PRKAR1B: variants seen among roughly 807,000 people sequenced by gnomAD.
PRKAR1B encodes cAMP-dependent protein kinase type I-beta regulatory subunit.
Under a neutral mutation model 46.5 loss-of-function variants are expected in PRKAR1B, and 22 were observed. That is an observed-to-expected ratio of 0.47 (90% CI 0.34 to 0.68). The LOEUF (loss-of-function observed/expected upper bound fraction) is 0.68. Ranked by LOEUF, PRKAR1B falls within the 30% of genes least tolerant of loss-of-function variation. The pLI is 0.01. For synonymous variants in PRKAR1B, 259 were observed against 217.7 expected, an observed-to-expected ratio of 1.19 and a Z score of -1.67; for missense variants, 445 against 535.6, an observed-to-expected ratio of 0.83 and a Z score of 1.67.
At position 680,644 on chromosome 7, in the gene PRKAR1B, G is replaced by A. The variant is rs770716715; in HGVS notation, c.260C>T (p.Pro87Leu). The change falls in exon 3 of 11, where the codon CCG becomes CTG. Residue 87 changes from proline (P) to leucine (L), a missense_variant. By Grantham distance (98) the Pro-to-Leu change is moderately conservative (BLOSUM62 -3). Around this residue, in one of 5 missense-constraint regions of PRKAR1B, gnomAD observed 155 missense variants for 127.5 expected, o/e 1.22. Transcript: ENST00000537384. ...GCGGCGGGCCTTCACCACAGGGTTC[G>A]GGGGGGTGGGCGACACCTCCTCATC... ...SHDEEVSPTP[P>L]NPVVKARRRR... 24 of 1,609,898 alleles carry A rather than the reference G, an allele frequency of 1.5e-5. No homozygotes were observed. Among genetic ancestry groups the A allele is most frequent in the East Asian group, 6.7e-5 (3 of 44,582 alleles).
chr7:616,252 G>A (rs1207719360), intron 4 of PRKAR1B, among the ~76,000 whole-genome samples: 1 of 152,224 alleles, frequency 6.6e-6, no homozygotes, highest in African/African-American at 2.4e-5. Context: ...GACAAAACGA[G>A]GTCACTCCGG....
intron 4 of PRKAR1B, among the ~76,000 whole-genome samples, chr7:642,772 T>G (rs1211998420): frequency 1.3e-5 from 2 of 148,860 alleles, no homozygotes; most frequent in Non-Finnish European, 3.0e-5. Flanking sequence ...CTCTGCCCCC[T>G]GCCGCAAGAC....
chr7:683,764 G>A (rs971843339), intron 2 of PRKAR1B, among the ~76,000 whole-genome samples: 5 of 152,048 alleles, frequency 3.3e-5, no homozygotes, highest in East Asian at 1.9e-4. Context: ...TGCCAGGCAC[G>A]GCACCCACTC....
chr7:726,934 C>T lies in PRKAR1B; in HGVS notation c.-23+276G>A. On this transcript the variant is annotated intron_variant, in intron 1 of 10. Coordinates refer to ENST00000537384, the MANE Select transcript of PRKAR1B (RefSeq NM_001164760.2). ...CGCCGACCCCACCGCTTTCCAGGGC[C>T]CCTGGGCGCGCCTACTGCTGCCGCG... 2.2e-6 allele frequency: 3 copies of T among 1,343,174 alleles called. No homozygotes were observed. The highest frequency in any genetic ancestry group is 1.9e-6 in the Non-Finnish European group (2 of 1,044,118). The allele number at this position is 1,343,174 out of a possible 1,614,324, so 83.2% of individuals were successfully genotyped here.
intron 3 of PRKAR1B, among the ~76,000 whole-genome samples, chr7:677,627 A>G (rs1778410424): frequency 6.6e-6 from 1 of 151,966 alleles, no homozygotes; most frequent in African/African-American, 2.4e-5. Context: ...AGGTCTCACT[A>G]TGTTGCCCAG....
chr7:622,123 C>G (rs147006285), intron 4 of PRKAR1B, among the ~76,000 whole-genome samples: 1 of 152,240 alleles, frequency 6.6e-6, no homozygotes, highest in Non-Finnish European at 1.5e-5. Flanking sequence ...AACACCTCCC[C>G]GCCCTCACCC....
chr7:551,237 A>C (rs899881617), intron 10 of PRKAR1B, 152 bp downstream of exon 10: 6 of 742,398 alleles, frequency 8.1e-6, no homozygotes, highest in Non-Finnish European at 1.1e-5. Context: ...AACAGGACTG[A>C]GCCTTCTGTT....
At chr7:640,237 A>G (rs1386843861) in intron 4 of PRKAR1B, among the ~76,000 whole-genome samples, 1 of 152,232 alleles carries the variant, frequency 6.6e-6, no homozygotes, top group Non-Finnish European at 1.5e-5. Context: ...CATTAAGAAA[A>G]TGAAGACAGC....
intron 1 of PRKAR1B, chr7:726,958 CGCTTGCT>C: frequency 7.6e-7 from 1 of 1,323,454 alleles, no homozygotes; most frequent in Non-Finnish European, 9.7e-7. Context: ...ACTGCTGCCG[CGCTTGCT>C]GCGCTGCCTG....
rs1285544292 is a variant in PRKAR1B at position 644,334 on chromosome 7, G to A, written c.440+32895C>T. On this transcript the variant is annotated intron_variant, in intron 4 of 10. Coordinates refer to ENST00000537384, the MANE Select transcript of PRKAR1B (RefSeq NM_001164760.2). This position sits in a 1 kb window ranked among gnomAD's most constrained non-coding sequence, Gnocchi z 4.9. ...GCTCCTGCTCCACCCCACACTGTGA[G>A]GAGCTGGAGGTACACAATGAGGTGG... Among the ~76,000 whole-genome samples, 1 of 152,186 alleles carries A rather than the reference G, an allele frequency of 6.6e-6. No individual in the cohort carries two copies. The highest frequency in any genetic ancestry group is 2.4e-5 in the African/African-American group (1 of 41,450).
intron 9 of PRKAR1B, among the ~76,000 whole-genome samples, 186 bp from the exon 10 acceptor site, chr7:551,656 G>C (rs1251569527): frequency 7.8e-6 from 1 of 128,812 alleles, no homozygotes; most frequent in Non-Finnish European, 1.6e-5. Context: ...TCCTTCTCCT[G>C]GAGCCACTGC....
chr7:561,145 ACAC>A lies in PRKAR1B; in HGVS notation c.892-9678_892-9676del, dbSNP rs530807362. Among the ~76,000 whole-genome samples the A allele has an allele frequency of 5.5e-3, 832 of 150,690 alleles. 5 individuals are homozygous for A. Among genetic ancestry groups the A allele is most frequent in the Admixed American group, 9.2e-3 (140 of 15,226 alleles). Reference sequence around the variant, plus strand: ...CACAGGCACACAAACACACACACACACACACCTGTGCACACACACACGGGTACG... The same window carrying A: ...CACAGGCACACAAACACACACACACAACCTGTGCACACACACACGGGTACG... On this transcript the variant is annotated intron_variant, in intron 9 of 10. Coordinates refer to ENST00000537384, the MANE Select transcript of PRKAR1B (RefSeq NM_001164760.2).
At chr7:727,331 C>T, upstream of PRKAR1B, 3 of 1,244,924 alleles carry the variant, frequency 2.4e-6, no homozygotes, top group Non-Finnish European at 3.0e-6. Context: ...CACCCCGGGC[C>T]CCGCTCCCAC....
intron 4 of PRKAR1B, among the ~76,000 whole-genome samples, chr7:676,413 A>G (rs1360751950): frequency 1.3e-5 from 2 of 152,170 alleles, no homozygotes; most frequent in Non-Finnish European, 2.9e-5. Context: ...AGCCGCAGGA[A>G]AGGTACATCC....
intron 4 of PRKAR1B, among the ~76,000 whole-genome samples, chr7:651,198 G>C (rs946507709): frequency 1.3e-5 from 2 of 152,210 alleles, no homozygotes; most frequent in Non-Finnish European, 2.9e-5. Flanking sequence ...CAGGCTCCTA[G>C]GGGCCTCTGG....
intron 8 of PRKAR1B, among the ~76,000 whole-genome samples, chr7:579,835 C>T (rs569584958): frequency 2.6e-5 from 4 of 152,180 alleles, no homozygotes; most frequent in Non-Finnish European, 5.9e-5. Flanking sequence ...TGGGCTCACG[C>T]CTATAAATCC....
chr7:668,808 G>C (rs73256210), intron 4 of PRKAR1B, among the ~76,000 whole-genome samples: 2,898 of 152,274 alleles, frequency 0.019, 91 homozygotes, highest in African/African-American at 0.066. Context: ...TAGAGCCTGG[G>C]AGCTGGGGAG....
chr7:558,746 C>A (rs1370836032), intron 9 of PRKAR1B, among the ~76,000 whole-genome samples: 1 of 151,940 alleles, frequency 6.6e-6, no homozygotes, highest in Non-Finnish European at 1.5e-5. Flanking sequence ...GAGCGAAAGT[C>A]CATCTCAAAA....
chr7:556,815 C>T (rs1778473508), intron 9 of PRKAR1B, among the ~76,000 whole-genome samples: 1 of 152,228 alleles, frequency 6.6e-6, no homozygotes, highest in African/African-American at 2.4e-5. Context: ...AGCTCAGATG[C>T]CATGTTTCTG....
Sources: allele counts gnomAD v4.1 joint callset (sites outside exome capture counted in the v4.1 genomes callset), GRCh38; gene constraint gnomAD v4.1.1; regional missense constraint gnomAD v4.1.1; non-coding constraint Gnocchi (gnomAD v3.1); transcripts MANE v1.5; gene names NCBI Gene and HGNC (gene_info 2026-07-23, HGNC 2026-07-21).